SLC44A1: variants seen among roughly 807,000 people sequenced by gnomAD.
SLC44A1 encodes the protein choline transporter-like protein 1.
In SLC44A1, 26 loss-of-function variants were observed where a neutral mutation model predicts 79.3. The observed-to-expected ratio is 0.33, with a 90% CI of 0.24 to 0.46. The LOEUF (loss-of-function observed/expected upper bound fraction) is 0.46. SLC44A1 is among the 20% of genes least tolerant of loss of function. SLC44A1 has a pLI of 1.00. For synonymous variants in SLC44A1, 263 were observed against 286.2 expected, an observed-to-expected ratio of 0.92 and a Z score of 0.82; for missense variants, 688 against 798.1, an observed-to-expected ratio of 0.86 and a Z score of 1.66.
In SLC44A1 at chr9:105,392,967, C is replaced by A. The variant is rs912100077; in HGVS notation, c.*3911C>A. 59 of 869,092 alleles carry A rather than the reference C, an allele frequency of 6.8e-5. No individual in the cohort carries two copies. Among genetic ancestry groups the A allele is most frequent in the Middle Eastern group, 5.8e-4 (1 of 1,720 alleles). 53.8% of individuals were successfully genotyped at this position (869,092 alleles called of 1,614,324 possible). ...TTCTACTGCTACTTTAAAAAAAAAA[C>A]AACAACAACAAATAAAACTCTCAGA... On this transcript the variant is annotated 3_prime_UTR_variant, in exon 16 of 16. Transcript: ENST00000374720.
chr9:105,282,617 C>T (rs537236772), intron 1 of SLC44A1, among the ~76,000 whole-genome samples: 1 of 151,820 alleles, frequency 6.6e-6, no homozygotes, highest in Non-Finnish European at 1.5e-5. Flanking sequence ...GGTGCAATCT[C>T]GGCTCACTGC....
In SLC44A1 at chr9:105,392,403, CTTTTTTTTT is replaced by C. The variant is rs57226567; in HGVS notation, c.*3366_*3374del. The C allele has an allele frequency of 1.3e-3, 794 of 610,280 alleles. No homozygotes were observed. The highest frequency in any genetic ancestry group is 2.6e-3 in the Middle Eastern group (3 of 1,176). The allele number at this position is 610,280 out of a possible 1,614,324, so 37.8% of individuals were successfully genotyped here. ...GTAGAGATGCTCTCTCTCTCTCTCT[CTTTTTTTTT>C]TTTTTTTTTTTTTTTTTTCCGTGAG... On this transcript the variant is annotated 3_prime_UTR_variant, in exon 16 of 16. Coordinates refer to ENST00000374720, the MANE Select transcript of SLC44A1 (RefSeq NM_080546.5).
chr9:105,256,186 A>G (rs1334649264), intron 1 of SLC44A1, among the ~76,000 whole-genome samples: 2 of 151,566 alleles, frequency 1.3e-5, no homozygotes, highest in Non-Finnish European at 2.9e-5. Context: ...TAATTTTTGT[A>G]TTTTTTGTAG....
intron 4 of SLC44A1, among the ~76,000 whole-genome samples, chr9:105,345,964 T>C (rs532453842): frequency 6.6e-6 from 1 of 151,514 alleles, no homozygotes; most frequent in Non-Finnish European, 1.5e-5. Context: ...CCAAACCTCT[T>C]GTGCTAAGTA....
At chr9:105,351,646 G>GAAAGAAAGAA (rs1827444526) in intron 5 of SLC44A1, among the ~76,000 whole-genome samples, 2 of 147,406 alleles carry the variant, frequency 1.4e-5, no homozygotes, top group Non-Finnish European at 3.0e-5. Flanking sequence ...AAGAAAGAAA[G>GAAAGAAAGAA]AAAGAAAGAA....
At chr9:105,366,507 T>G in intron 12 of SLC44A1, 78 bp downstream of exon 12, 1 of 607,626 alleles carries the variant, frequency 1.6e-6, no homozygotes, top group Middle Eastern at 4.5e-4. Context: ...ATAAACTTAA[T>G]TGAAAGATGT....
At chr9:105,295,847 T>C (rs1407052995) in intron 1 of SLC44A1, among the ~76,000 whole-genome samples, 1 of 152,146 alleles carries the variant, frequency 6.6e-6, no homozygotes, top group Non-Finnish European at 1.5e-5. Flanking sequence ...TCCTCATCTG[T>C]GAAATAGAGA....
Position 105,366,353 on chromosome 9 carries a change from C to G in SLC44A1, c.1418C>G (p.Ala473Gly). Reference sequence around the variant, plus strand: ...CATTTTTCCCCCATCCAGGAAAATGCTTGTGCACGATGTGTGCTGAAATCT... The same window carrying G: ...CATTTTTCCCCCATCCAGGAAAATGGTTGTGCACGATGTGTGCTGAAATCT... Reference protein sequence around the residue: ...IHSQLKGKENACARCVLKSCI... With the variant: ...IHSQLKGKENGCARCVLKSCI... Residue 473 changes from alanine to glycine, a missense_variant, in exon 12 of 16, where the codon GCT becomes GGT. Physicochemically the swap from Ala to Gly is moderately conservative, Grantham distance 60. Transcript: ENST00000374720. The G allele has an allele frequency of 6.7e-7, 1 of 1,487,512 alleles. No homozygotes were observed. The highest frequency in any genetic ancestry group is 1.5e-5 in the South Asian group (1 of 67,348). 92.1% of individuals were successfully genotyped at this position (1,487,512 alleles called of 1,614,324 possible). A position where few individuals can be genotyped will look rare whatever the true frequency, so the allele number is the denominator to read the frequency against.
rs142454642 is a variant in SLC44A1 at position 105,269,374 on chromosome 9, A to C, written c.36+24470A>C. The stretch of plus-strand genomic sequence containing the variant: ...CTCAAGACCATTCTGGCAGTTTCCT[A>C]TACAGCTGACCTGTACTTTAGTCCA... On this transcript the variant is annotated intron_variant, in intron 1 of 15. Coordinates refer to ENST00000374720, the MANE Select transcript of SLC44A1 (RefSeq NM_080546.5). Among the ~76,000 whole-genome samples the C allele has an allele frequency of 3.4e-3, 524 of 152,308 alleles. 2 individuals are homozygous for C. Among genetic ancestry groups the C allele is most frequent in the African/African-American group, 0.011 (477 of 41,564 alleles).
intron 13 of SLC44A1, among the ~76,000 whole-genome samples, chr9:105,376,336 CACACACACACACACT>C (rs1329817118): frequency 0.017 from 2,373 of 136,940 alleles, 57 homozygotes; most frequent in African/African-American, 0.062. Context: ...CACACACACA[CACACACACACACACT>C]ACACACACAC....
chr9:105,380,590 A>G (rs1828430910), intron 13 of SLC44A1, among the ~76,000 whole-genome samples: 1 of 151,982 alleles, frequency 6.6e-6, no homozygotes, highest in Non-Finnish European at 1.5e-5. Flanking sequence ...ATAAATGTAA[A>G]TATTTATATA....
At chr9:105,259,138 T>A (rs999378784) in intron 1 of SLC44A1, among the ~76,000 whole-genome samples, 1 of 152,196 alleles carries the variant, frequency 6.6e-6, no homozygotes. Flanking sequence ...TAAGGACCAA[T>A]GGCTACTGTG....
At chr9:105,278,642 A>G (rs929702377) in intron 1 of SLC44A1, among the ~76,000 whole-genome samples, 1 of 152,094 alleles carries the variant, frequency 6.6e-6, no homozygotes, top group Admixed American at 6.5e-5. Flanking sequence ...CGGCCTCCCA[A>G]AGTCCTGGGA....
At chr9:105,375,240 A>G (rs1361415780) in intron 13 of SLC44A1, among the ~76,000 whole-genome samples, 1 of 152,190 alleles carries the variant, frequency 6.6e-6, no homozygotes, top group Non-Finnish European at 1.5e-5. Flanking sequence ...GGGTTTCCCC[A>G]TGTCGGCCAG....
chr9:105,438,252 G>A (rs373672481), intron 15 of SLC44A1: 16 of 1,546,640 alleles, frequency 1.0e-5, no homozygotes, highest in East Asian at 7.3e-5. Flanking sequence ...TAGGACAGAA[G>A]CATTCATTTT....
downstream of SLC44A1, among the ~76,000 whole-genome samples, chr9:105,400,489 A>AAAAAG (rs773228462): frequency 0.014 from 2,067 of 151,896 alleles, 67 homozygotes; most frequent in African/African-American, 0.047. Flanking sequence ...CGCCATCTCA[A>AAAAAG]AAAAAGAAAA....
In SLC44A1 at chr9:105,244,693, C is replaced by T; in HGVS notation, c.-176C>T. On this transcript the variant is annotated 5_prime_UTR_variant, in exon 1 of 16. Transcript: ENST00000374720. ...CGCCGCCGCCGGGGGATGTGGCCGGCGCCTGCCTCTAGCCGCGCCGCCTCT... is the reference window on the plus strand; with the variant it reads ...CGCCGCCGCCGGGGGATGTGGCCGGTGCCTGCCTCTAGCCGCGCCGCCTCT... 4 of 298,232 alleles carry T rather than the reference C, an allele frequency of 1.3e-5. No individual in the cohort carries two copies. The highest frequency in any genetic ancestry group is 1.2e-5 in the Non-Finnish European group (2 of 164,190). 18.5% of individuals were successfully genotyped at this position (298,232 alleles called of 1,614,324 possible). A position where few individuals can be genotyped will look rare whatever the true frequency, so the allele number is the denominator to read the frequency against.
chr9:105,284,924 T>C (rs1264013156), intron 1 of SLC44A1, among the ~76,000 whole-genome samples: 1 of 152,190 alleles, frequency 6.6e-6, no homozygotes, highest in African/African-American at 2.4e-5. Context: ...CCATTAGCAG[T>C]CATTCCCCAT....
downstream of SLC44A1, among the ~76,000 whole-genome samples, chr9:105,397,860 A>G (rs1828905458): frequency 1.3e-5 from 2 of 152,132 alleles, no homozygotes; most frequent in African/African-American, 2.4e-5. Context: ...AGGCAGGAGA[A>G]TGGCCTGAAC....
Sources: allele counts gnomAD v4.1 joint callset (sites outside exome capture counted in the v4.1 genomes callset), GRCh38; gene constraint gnomAD v4.1.1; transcripts MANE v1.5; gene names NCBI Gene and HGNC (gene_info 2026-07-23, HGNC 2026-07-21).